The following ZFP1 variants were observed in gnomAD, a reference collection of about 807,000 sequenced individuals.
ZFP1 encodes the protein zinc finger protein 1 homolog.
In ZFP1, 32 loss-of-function variants were observed where a neutral mutation model predicts 38.5. That is an observed-to-expected ratio of 0.83 (90% CI 0.63 to 1.12). The LOEUF is 1.12. ZFP1 is among the 50% of genes most tolerant of loss of function. The pLI is 0.00. For synonymous variants in ZFP1, 245 were observed against 168.8 expected (o/e 1.45, Z -3.50); for missense variants, 616 against 480.8 (o/e 1.28, Z -2.63).
the ZFP1 span, among the ~76,000 whole-genome samples, chr16:75,124,819 C>G: frequency 1.4e-5 from 2 of 139,076 alleles, no homozygotes; most frequent in African/African-American, 5.3e-5. Flanking sequence ...TAAAAGGAAC[C>G]AGGGAATAAA....
intron 2 of ZFP1, among the ~76,000 whole-genome samples, chr16:75,166,124 G>C (rs559551896): frequency 2.1e-4 from 32 of 152,202 alleles, no homozygotes; most frequent in Non-Finnish European, 3.1e-4. Context: ...TTAAAACTTT[G>C]ACTATTTAAA....
At chr16:75,148,201 T>G (rs190190878), upstream of ZFP1, among the ~76,000 whole-genome samples, 1 of 152,336 alleles carries the variant, frequency 6.6e-6, no homozygotes, top group East Asian at 1.9e-4. Context: ...ATTTTGTACA[T>G]ATATTCTAAT....
chr16:75,152,846 T>C (rs1232954783), intron 1 of ZFP1, 63 bp from the exon 2 acceptor site: 2 of 1,484,218 alleles, frequency 1.3e-6, no homozygotes, highest in Non-Finnish European at 1.8e-6. Context: ...AACAAGTCAT[T>C]CTAGGAGTTG....
chr16:75,128,448 A>G, the ZFP1 span, among the ~76,000 whole-genome samples: 1 of 152,228 alleles, frequency 6.6e-6, no homozygotes, highest in Non-Finnish European at 1.5e-5. Flanking sequence ...AACCAGTCCT[A>G]CCATGATTTG....
the ZFP1 span, among the ~76,000 whole-genome samples, chr16:75,121,326 C>T: frequency 6.0e-3 from 916 of 152,024 alleles, 11 homozygotes; most frequent in African/African-American, 0.021. Flanking sequence ...GGGGTTTCGC[C>T]GTGTTAGCCA....
chr16:75,119,343 TACC>T, the ZFP1 span, among the ~76,000 whole-genome samples: 1 of 152,180 alleles, frequency 6.6e-6, no homozygotes, highest in Non-Finnish European at 1.5e-5. Context: ...CTCCAGAGAA[TACC>T]TTATCTTTCA....
chr16:75,146,395 C>A (rs1487230733), upstream of ZFP1, among the ~76,000 whole-genome samples: 1 of 152,070 alleles, frequency 6.6e-6, no homozygotes, highest in Non-Finnish European at 1.5e-5. Flanking sequence ...TCTCGATCTC[C>A]TGACCTCGTG....
chr16:75,152,848 T>A (rs1205956274), intron 1 of ZFP1, 61 bp from the exon 2 acceptor site: 1 of 1,489,768 alleles, frequency 6.7e-7, no homozygotes, highest in East Asian at 2.3e-5. Context: ...CAAGTCATTC[T>A]AGGAGTTGTA....
intron 1 of ZFP1, chr16:75,148,926 A>C (rs562581670): frequency 6.6e-6 from 1 of 151,728 alleles, no homozygotes. Context: ...CGGGCGGCGA[A>C]GGGCTCGGGC....
chr16:75,157,399 A>G (rs887436129), intron 2 of ZFP1, among the ~76,000 whole-genome samples: 1 of 151,840 alleles, frequency 6.6e-6, no homozygotes, highest in African/African-American at 2.4e-5. Context: ...GTGTGCCACT[A>G]CACACGGTGA....
the ZFP1 span, among the ~76,000 whole-genome samples, chr16:75,137,713 G>T: frequency 2.0e-4 from 30 of 151,700 alleles, no homozygotes; most frequent in Non-Finnish European, 1.5e-5. Context: ...TGATCCGCCC[G>T]CCTTGGCTTC....
chr16:75,135,209 C>CAAAAAAAAAAAAAAAAAAAAAAA, the ZFP1 span, among the ~76,000 whole-genome samples: 8 of 14,960 alleles, frequency 5.3e-4, 3 homozygotes, highest in Non-Finnish European at 6.9e-4. Context: ...GACCTTATCT[C>CAAAAAAAAAAAAAAAAAAAAAAA]AAAAAAAAAA....
chr16:75,128,173 G>A, the ZFP1 span, among the ~76,000 whole-genome samples: 1 of 152,168 alleles, frequency 6.6e-6, no homozygotes, highest in Non-Finnish European at 1.5e-5. Context: ...CCTGTAAAGG[G>A]TTCCTGACCT....
the ZFP1 span, among the ~76,000 whole-genome samples, chr16:75,133,023 G>A: frequency 6.6e-6 from 1 of 151,246 alleles, no homozygotes; most frequent in Non-Finnish European, 1.5e-5. Flanking sequence ...TGTCACCCAG[G>A]CTGGAGTGCA....
At position 75,169,684 on chromosome 16, in the gene ZFP1, G is replaced by A; in HGVS notation, c.574G>A (p.Ala192Thr). The A allele has an allele frequency of 1.2e-6, 2 of 1,610,614 alleles. No individual in the cohort carries two copies. Among genetic ancestry groups the A allele is most frequent in the Non-Finnish European group, 1.7e-6 (2 of 1,178,820 alleles). ...QPFICTYCDK[A>T]FSFKSLLISH... ...TTTCATTTGTACTTACTGTGACAAGGCTTTCTCCTTTAAGTCACTCCTCAT... is the reference window on the plus strand; with the variant it reads ...TTTCATTTGTACTTACTGTGACAAGACTTTCTCCTTTAAGTCACTCCTCAT... Residue 192 changes from alanine (A) to threonine (T), a missense_variant, in exon 4 of 4, where the codon GCT (alanine) becomes ACT (threonine). Physicochemically the swap from Ala to Thr is moderately conservative, Grantham distance 58. Coordinates refer to ENST00000570010, the MANE Select transcript of ZFP1 (RefSeq NM_153688.4).
At chr16:75,135,496 G>T in the ZFP1 span, among the ~76,000 whole-genome samples, 3 of 152,162 alleles carry the variant, frequency 2.0e-5, no homozygotes, top group Admixed American at 6.5e-5. Context: ...GGTAACAGTG[G>T]CTCCAGCCTG....
At chr16:75,153,285 T>A (rs185113870) in intron 2 of ZFP1, among the ~76,000 whole-genome samples, 1 of 152,278 alleles carries the variant, frequency 6.6e-6, no homozygotes, top group East Asian at 1.9e-4. Flanking sequence ...TCATATAACA[T>A]TCCTCAGTGC....
chr16:75,147,502 G>A (rs927477823), upstream of ZFP1, among the ~76,000 whole-genome samples: 11 of 151,048 alleles, frequency 7.3e-5, no homozygotes, highest in African/African-American at 2.7e-4. Flanking sequence ...GGCCAGGCTG[G>A]TTTCAAATTC....
At position 75,148,565 on chromosome 16, in the gene ZFP1, C is replaced by T. The variant is rs1427544140; in HGVS notation, c.-122C>T. On this transcript the variant is annotated 5_prime_UTR_variant, in exon 1 of 4. Coordinates refer to ENST00000570010, the MANE Select transcript of ZFP1 (RefSeq NM_153688.4). ...CAGCGGCGAGTGGGTGACAGAGCCCCCGTCTCCGCGCGTCTTCGCCGCCCT... is the reference window on the plus strand; with the variant it reads ...CAGCGGCGAGTGGGTGACAGAGCCCTCGTCTCCGCGCGTCTTCGCCGCCCT... 1 of 152,308 alleles carries T rather than the reference C, an allele frequency of 6.6e-6. No homozygotes were observed. The highest frequency in any genetic ancestry group is 1.5e-5 in the Non-Finnish European group (1 of 68,120). 9.4% of individuals were successfully genotyped at this position (152,308 alleles called of 1,614,324 possible).
Sources: allele counts gnomAD v4.1 joint callset (sites outside exome capture counted in the v4.1 genomes callset), GRCh38; gene constraint gnomAD v4.1.1; transcripts MANE v1.5; gene names NCBI Gene and HGNC (gene_info 2026-07-23, HGNC 2026-07-21).